ZBTB20: variants seen among roughly 807,000 people sequenced by gnomAD.
The protein encoded by ZBTB20 is zinc finger and BTB domain containing 20.
ZBTB20 carries 9 observed loss-of-function variants against 56.9 expected under a neutral mutation model. The observed-to-expected ratio is 0.16, with a 90% confidence interval of 0.10 to 0.28. ZBTB20 has a LOEUF of 0.28. Ranked by LOEUF, ZBTB20 falls within the 10% of genes least tolerant of loss-of-function variation. The pLI, the probability that ZBTB20 is intolerant of heterozygous loss-of-function variation, is 1.00. For synonymous variants in ZBTB20, 417 were observed against 420.7 expected, an observed-to-expected ratio of 0.99 and a Z score of 0.11; for missense variants, 655 against 1,003.0, an observed-to-expected ratio of 0.65 and a Z score of 4.69.
intron 4 of ZBTB20, among the ~76,000 whole-genome samples, chr3:114,876,808 T>C (rs1360769406): frequency 6.6e-6 from 1 of 152,222 alleles, no homozygotes; most frequent in African/African-American, 2.4e-5. Context: ...TCAGTTCCAC[T>C]TTCCTCCAAG....
chr3:114,923,691 G>A (rs564383233), intron 3 of ZBTB20, among the ~76,000 whole-genome samples: 2 of 152,016 alleles, frequency 1.3e-5, no homozygotes, highest in South Asian at 4.1e-4. Flanking sequence ...AAAAGCACAG[G>A]TAACAAAAGC....
intron 3 of ZBTB20, among the ~76,000 whole-genome samples, chr3:114,933,738 T>A (rs1183484119): frequency 1.3e-5 from 2 of 152,220 alleles, no homozygotes; most frequent in African/African-American, 4.8e-5. Context: ...CATCTACAGC[T>A]CCCAAACTTA....
chr3:114,873,800 G>C (rs1429477452), intron 4 of ZBTB20: 7 of 152,134 alleles, frequency 4.6e-5, no homozygotes, highest in Admixed American at 2.0e-4. Context: ...CCCCCAACAG[G>C]CTTTCTCAAT....
chr3:114,479,907 AC>A (rs1157610907), intron 7 of ZBTB20, among the ~76,000 whole-genome samples: 2 of 152,208 alleles, frequency 1.3e-5, no homozygotes, highest in African/African-American at 4.8e-5. Flanking sequence ...TAAAACAAAT[AC>A]CCATAGGCTT....
intron 7 of ZBTB20, among the ~76,000 whole-genome samples, chr3:114,460,453 T>C (rs993301224): frequency 1.3e-5 from 2 of 152,118 alleles, no homozygotes; most frequent in African/African-American, 4.8e-5. Flanking sequence ...AAGGTTCTTA[T>C]AAGAGAGAGG....
intron 7 of ZBTB20, among the ~76,000 whole-genome samples, chr3:114,473,250 T>C (rs143324270): frequency 6.6e-6 from 1 of 152,336 alleles, no homozygotes; most frequent in Non-Finnish European, 1.5e-5. Flanking sequence ...TTTCACATTT[T>C]ATAAAATCAC....
intron 5 of ZBTB20, among the ~76,000 whole-genome samples, chr3:114,746,030 C>T (rs1261904722): frequency 1.3e-5 from 2 of 152,148 alleles, no homozygotes; most frequent in African/African-American, 2.4e-5. Flanking sequence ...ATCTCCCTGC[C>T]CCTTGTTCTA....
At chr3:114,508,215 C>T (rs1030336758) in intron 6 of ZBTB20, among the ~76,000 whole-genome samples, 1 of 152,066 alleles carries the variant, frequency 6.6e-6, no homozygotes, top group African/African-American at 2.4e-5. Flanking sequence ...AAAATGTGCC[C>T]CATATGATTA....
At chr3:115,092,112 A>G (rs2083219539) in intron 1 of ZBTB20, among the ~76,000 whole-genome samples, 2 of 152,122 alleles carry the variant, frequency 1.3e-5, no homozygotes, top group South Asian at 4.1e-4. Flanking sequence ...ATAGGAGAAA[A>G]GTAGTAAAGT....
intron 1 of ZBTB20, among the ~76,000 whole-genome samples, chr3:115,072,619 C>T (rs899248751): frequency 3.3e-5 from 5 of 152,100 alleles, no homozygotes; most frequent in African/African-American, 1.2e-4. Flanking sequence ...AAAAGCAGCA[C>T]CTAAAGTTTT....
intron 7 of ZBTB20, among the ~76,000 whole-genome samples, chr3:114,398,113 T>A (rs755315167): frequency 2.0e-5 from 3 of 152,188 alleles, no homozygotes; most frequent in Non-Finnish European, 2.9e-5. Context: ...TTTTTTCTCC[T>A]TCAGGGTCCA....
At chr3:114,715,305 G>GA (rs1484782879) in intron 5 of ZBTB20, among the ~76,000 whole-genome samples, 3 of 152,204 alleles carry the variant, frequency 2.0e-5, no homozygotes, top group Non-Finnish European at 4.4e-5. Context: ...GAATGAAGAA[G>GA]AATTTCGGTA....
At chr3:114,875,496 A>T (rs2076159110) in intron 4 of ZBTB20, among the ~76,000 whole-genome samples, 1 of 152,210 alleles carries the variant, frequency 6.6e-6, no homozygotes, top group Non-Finnish European at 1.5e-5. Flanking sequence ...TGGGTCTTAC[A>T]TATTTTACCC....
At chr3:114,934,790 T>C (rs2076475715) in intron 3 of ZBTB20, among the ~76,000 whole-genome samples, 1 of 152,220 alleles carries the variant, frequency 6.6e-6, no homozygotes. Context: ...TGCCTTGTTA[T>C]AATGTTATGA....
At chr3:114,820,751 T>G (rs1469802474) in intron 4 of ZBTB20, among the ~76,000 whole-genome samples, 1 of 151,762 alleles carries the variant, frequency 6.6e-6, no homozygotes, top group Non-Finnish European at 1.5e-5. Flanking sequence ...GATACTTGAC[T>G]TTTTTTTAGT....
chr3:115,081,874 C>T (rs2082807635), intron 1 of ZBTB20, among the ~76,000 whole-genome samples: 1 of 152,126 alleles, frequency 6.6e-6, no homozygotes, highest in South Asian at 2.1e-4. Flanking sequence ...TCTTTAGACA[C>T]GGAATACACC....
At chr3:114,858,528 G>A (rs890006724) in intron 4 of ZBTB20, among the ~76,000 whole-genome samples, 5 of 138,136 alleles carry the variant, frequency 3.6e-5, no homozygotes, top group African/African-American at 1.4e-4. Context: ...GTGTATTCGT[G>A]TGTGTGTGTG....
chr3:114,938,783 G>T (rs1414859969), intron 3 of ZBTB20, among the ~76,000 whole-genome samples: 1 of 145,132 alleles, frequency 6.9e-6, no homozygotes, highest in Non-Finnish European at 1.5e-5. Flanking sequence ...TAACAAACCT[G>T]CAAATTCTGC....
chr3:114,480,675 C>A (rs1183684377), intron 7 of ZBTB20, among the ~76,000 whole-genome samples: 1 of 152,170 alleles, frequency 6.6e-6, no homozygotes. Flanking sequence ...CAACACACTT[C>A]TTTGTCCTAA....
Sources: allele counts gnomAD v4.1 joint callset (sites outside exome capture counted in the v4.1 genomes callset), GRCh38; gene constraint gnomAD v4.1.1; transcripts MANE v1.5; gene names NCBI Gene and HGNC (gene_info 2026-07-23, HGNC 2026-07-21).